The following ROBO2 variants were observed in gnomAD, a reference collection of about 807,000 sequenced individuals.
The protein encoded by ROBO2 is roundabout homolog 2.
A neutral mutation model predicts 160.8 loss-of-function variants in ROBO2; 53 were observed. That is an observed-to-expected ratio of 0.33 (90% CI 0.26 to 0.41). ROBO2 has a LOEUF of 0.41. Among genes scored for constraint, ROBO2 ranks in the 10% least tolerant of loss-of-function variants. The probability of loss-of-function intolerance (pLI) is 1.00; values close to 1 mark genes in which losing one functional copy is unlikely to be tolerated. For missense variants in ROBO2, 1,577 were observed against 1,722.4 expected, an observed-to-expected ratio of 0.92 and a Z score of 1.49; for synonymous variants, 664 against 611.7, an observed-to-expected ratio of 1.09 and a Z score of -1.26.
intron 1 of ROBO2, among the ~76,000 whole-genome samples, chr3:75,908,894 A>G (rs1359581714): frequency 2.0e-5 from 3 of 152,232 alleles, no homozygotes; most frequent in African/African-American, 7.2e-5. Context: ...ATCAGGATAA[A>G]GACAGGCCAC....
intron 24 of ROBO2, among the ~76,000 whole-genome samples, chr3:77,643,337 A>T (rs2095374346): frequency 6.6e-6 from 1 of 152,218 alleles, no homozygotes. Context: ...CGAAAGGAGA[A>T]CTCACATCAA....
intron 2 of ROBO2, among the ~76,000 whole-genome samples, chr3:77,186,904 G>A (rs527628537): frequency 9.2e-5 from 14 of 152,004 alleles, no homozygotes; most frequent in South Asian, 6.2e-4. Context: ...TACATGTTAC[G>A]TAATGTAATA....
intron 2 of ROBO2, among the ~76,000 whole-genome samples, chr3:75,984,583 CA>C: frequency 6.6e-6 from 1 of 151,474 alleles, no homozygotes; most frequent in East Asian, 1.9e-4. Context: ...GGAATGAACA[CA>C]AATAGCCCAA....
intron 2 of ROBO2, among the ~76,000 whole-genome samples, chr3:76,569,460 G>T (rs1344328975): frequency 6.6e-6 from 1 of 152,164 alleles, no homozygotes; most frequent in Non-Finnish European, 1.5e-5. Flanking sequence ...TTGCCACATA[G>T]AGAATTGTAT....
intron 2 of ROBO2, among the ~76,000 whole-genome samples, chr3:76,357,986 A>G (rs568640698): frequency 2.8e-4 from 43 of 151,700 alleles, no homozygotes; most frequent in Non-Finnish European, 5.7e-4. Context: ...TTACAAAATA[A>G]TACTTTATAG....
intron 2 of ROBO2, among the ~76,000 whole-genome samples, chr3:77,214,365 G>A (rs934302695): frequency 3.9e-5 from 6 of 151,938 alleles, no homozygotes; most frequent in Non-Finnish European, 7.4e-5. Flanking sequence ...ATCTTTGTTG[G>A]TTTAAAGTCT....
chr3:77,159,255 ATG>A (rs1441996750), intron 2 of ROBO2, among the ~76,000 whole-genome samples: 1 of 152,158 alleles, frequency 6.6e-6, no homozygotes, highest in African/African-American at 2.4e-5. Flanking sequence ...GATCAGTGCC[ATG>A]AAAATTCAAT....
At chr3:76,599,992 T>TTTTCTG (rs1278471390) in intron 2 of ROBO2, among the ~76,000 whole-genome samples, 1 of 152,248 alleles carries the variant, frequency 6.6e-6, no homozygotes, top group Non-Finnish European at 1.5e-5. Flanking sequence ...ATTCTGTAGA[T>TTTTCTG]TTTCTGTTTA....
chr3:77,575,222 C>T (rs920718525), intron 14 of ROBO2, among the ~76,000 whole-genome samples: 13 of 152,104 alleles, frequency 8.5e-5, no homozygotes, highest in South Asian at 2.1e-4. Context: ...GAAGTTCCCT[C>T]GTTCTCCCCA....
intron 2 of ROBO2, among the ~76,000 whole-genome samples, chr3:76,624,496 C>T (rs1478210883): frequency 1.3e-5 from 2 of 151,384 alleles, no homozygotes; most frequent in Admixed American, 1.3e-4. Context: ...CACAAATGTA[C>T]ATTAGAATGT....
At chr3:77,322,460 G>C (rs777225800) in intron 2 of ROBO2, among the ~76,000 whole-genome samples, 2 of 151,980 alleles carry the variant, frequency 1.3e-5, no homozygotes, top group African/African-American at 2.4e-5. Context: ...ATTGGGAGTG[G>C]GGTTTGTCTA....
At chr3:76,770,933 C>T (rs968802659) in intron 2 of ROBO2, among the ~76,000 whole-genome samples, 1 of 151,236 alleles carries the variant, frequency 6.6e-6, no homozygotes, top group Non-Finnish European at 1.5e-5. Context: ...ACTTTCTCAC[C>T]CTTGACTACA....
chr3:76,488,251 G>A (rs2079608956), intron 2 of ROBO2, among the ~76,000 whole-genome samples: 2 of 152,144 alleles, frequency 1.3e-5, no homozygotes, highest in South Asian at 2.1e-4. Context: ...CAGTTTACTT[G>A]GAAGACCTCA....
chr3:77,182,684 C>T (rs2080899276), intron 2 of ROBO2, among the ~76,000 whole-genome samples: 1 of 151,964 alleles, frequency 6.6e-6, no homozygotes, highest in African/African-American at 2.4e-5. Context: ...GGTATCAGTG[C>T]CATTTGTAGC....
chr3:76,390,514 C>G (rs1350069357), intron 2 of ROBO2, among the ~76,000 whole-genome samples: 5 of 152,098 alleles, frequency 3.3e-5, no homozygotes, highest in Admixed American at 3.3e-4. Flanking sequence ...GTAATTTTTA[C>G]CAGTATGCTA....
chr3:76,458,836 T>C (rs2077925893), intron 2 of ROBO2, among the ~76,000 whole-genome samples: 1 of 152,116 alleles, frequency 6.6e-6, no homozygotes. Context: ...ACTTATTCAC[T>C]ATCATGAAAA....
At chr3:77,398,935 C>A (rs958754874) in intron 2 of ROBO2, among the ~76,000 whole-genome samples, 1 of 151,990 alleles carries the variant, frequency 6.6e-6, no homozygotes, top group African/African-American at 2.4e-5. Flanking sequence ...GTAAAATAGC[C>A]TGGAGTTAAT....
intron 2 of ROBO2, among the ~76,000 whole-genome samples, chr3:76,272,326 G>T (rs543805625): frequency 4.1e-4 from 62 of 152,058 alleles, no homozygotes; most frequent in African/African-American, 1.5e-3. Flanking sequence ...TTAAAATTAT[G>T]AGTTAAAAAT....
chr3:76,196,047 T>C (rs1702245712), intron 2 of ROBO2, among the ~76,000 whole-genome samples: 1 of 152,138 alleles, frequency 6.6e-6, no homozygotes, highest in Non-Finnish European at 1.5e-5. Flanking sequence ...CACACACTCT[T>C]TGTCACAGAC....
Sources: gnomAD v4.1 joint callset for allele counts (sites outside exome capture counted in the v4.1 genomes callset) on GRCh38, gnomAD v4.1.1 for gene constraint, MANE v1.5 for transcripts, NCBI Gene and HGNC (gene_info 2026-07-23, HGNC 2026-07-21) for gene names.